ADHFE1: variants seen among roughly 807,000 people sequenced by gnomAD.
ADHFE1 encodes the protein hydroxyacid-oxoacid transhydrogenase, mitochondrial.
In ADHFE1, 37 loss-of-function variants were observed where a neutral mutation model predicts 54.8. The observed-to-expected ratio is 0.68, with a 90% CI of 0.52 to 0.89. ADHFE1 has a LOEUF of 0.89. Ranked by LOEUF, ADHFE1 falls within the 40% of genes least tolerant of loss-of-function variation. The probability of loss-of-function intolerance (pLI) is 0.00; values close to 1 mark genes in which losing one functional copy is unlikely to be tolerated. For synonymous variants in ADHFE1, 203 were observed against 229.3 expected, an observed-to-expected ratio of 0.89 and a Z score of 1.04; for missense variants, 601 against 591.2, an observed-to-expected ratio of 1.02 and a Z score of -0.17.
intron 12 of ADHFE1, among the ~76,000 whole-genome samples, chr8:66,458,802 C>T (rs71515021): frequency 0.07 from 10,721 of 152,246 alleles, 504 homozygotes; most frequent in East Asian, 0.18. Flanking sequence ...TATTCTTTTT[C>T]CTACCATCTC....
At chr8:66,437,446 C>T (rs573677166) in intron 1 of ADHFE1, among the ~76,000 whole-genome samples, 3 of 152,036 alleles carry the variant, frequency 2.0e-5, no homozygotes, top group Non-Finnish European at 4.4e-5. Context: ...TGAGGTCCTG[C>T]TCTCCCCAAG....
At chr8:66,468,157 T>G (rs1170874752) in intron 13 of ADHFE1, 112 bp from the exon 14 acceptor site, 2 of 716,058 alleles carry the variant, frequency 2.8e-6, no homozygotes, top group Non-Finnish European at 4.7e-6. Context: ...TTTAAAGATA[T>G]GGCGTTTATC....
Position 66,468,404 on chromosome 8 carries a change from A to G in ADHFE1, c.*52A>G. ...GCTGGCCATTGTAGTGCTGAGAGCA[A>G]GAGCTGATCTAGCTAGGGCTTTGTC... On this transcript the variant is annotated 3_prime_UTR_variant, in exon 14 of 14. Coordinates refer to ENST00000396623, the MANE Select transcript of ADHFE1 (RefSeq NM_144650.3). The G allele has an allele frequency of 2.7e-6, 4 of 1,470,224 alleles. No homozygotes were observed. Among genetic ancestry groups the G allele is most frequent in the African/African-American group, 1.4e-5 (1 of 71,194 alleles). The allele number at this position is 1,470,224 out of a possible 1,614,324, so 91.1% of individuals were successfully genotyped here. A position where few individuals can be genotyped will look rare whatever the true frequency, so the allele number is the denominator to read the frequency against.
At chr8:66,461,452 A>G (rs914156250) in intron 13 of ADHFE1, among the ~76,000 whole-genome samples, 5 of 152,150 alleles carry the variant, frequency 3.3e-5, no homozygotes, top group Admixed American at 1.3e-4. Context: ...AAGGGCCTCA[A>G]ACTAGCTTCT....
chr8:66,465,423 T>C (rs1807118506), intron 13 of ADHFE1, among the ~76,000 whole-genome samples: 1 of 152,254 alleles, frequency 6.6e-6, no homozygotes, highest in African/African-American at 2.4e-5. Flanking sequence ...TCTAATGGTG[T>C]GAAGTGGTAT....
intron 13 of ADHFE1, among the ~76,000 whole-genome samples, chr8:66,462,847 G>T (rs541997137): frequency 6.6e-6 from 1 of 152,164 alleles, no homozygotes; most frequent in Non-Finnish European, 1.5e-5. Context: ...TTGAGACAGA[G>T]TTTCACTCTC....
Position 66,440,216 on chromosome 8 carries a change from T to C in ADHFE1, c.97+17T>C, listed in dbSNP as rs367675876. On this transcript the variant is annotated intron_variant, in intron 2 of 13. Coordinates refer to ENST00000396623, the MANE Select transcript of ADHFE1 (RefSeq NM_144650.3). ...ACTCCCAAGGTAATACTTCTGTATT[T>C]TTAAACTAGCCACAATTTTGGTTTC... The C allele has an allele frequency of 1.3e-4, 210 of 1,609,750 alleles. No individual in the cohort carries two copies. In the Middle Eastern group the frequency reaches 1.3e-3, roughly 10 times the overall value.
intron 8 of ADHFE1, among the ~76,000 whole-genome samples, chr8:66,451,005 A>G (rs1242045072): frequency 6.6e-6 from 1 of 152,264 alleles, no homozygotes; most frequent in African/African-American, 2.4e-5. Context: ...ATCTCCCTTC[A>G]CAGTCAAGTG....
Position 66,457,176 on chromosome 8 carries a change from A to G in ADHFE1, c.1162+10A>G, listed in dbSNP as rs1056548943. The G allele has an allele frequency of 6.2e-7, 1 of 1,606,876 alleles. No homozygotes were observed. The highest frequency in any genetic ancestry group is 8.5e-7 in the Non-Finnish European group (1 of 1,175,452). Reference sequence around the variant, plus strand: ...ATGGCAGAAATACTGGGTATGAACCATTACTCAAAATTCTGTGACCGGCCA... The same window carrying G: ...ATGGCAGAAATACTGGGTATGAACCGTTACTCAAAATTCTGTGACCGGCCA... On this transcript the variant is annotated intron_variant, in intron 12 of 13. Coordinates refer to ENST00000396623, the MANE Select transcript of ADHFE1 (RefSeq NM_144650.3).
intron 8 of ADHFE1, among the ~76,000 whole-genome samples, chr8:66,450,679 C>G (rs1276225863): frequency 6.6e-6 from 1 of 152,212 alleles, no homozygotes; most frequent in Non-Finnish European, 1.5e-5. Flanking sequence ...CTCAGTGAGT[C>G]CACCCCTGAG....
At chr8:66,444,548 T>C (rs1296194233) in intron 4 of ADHFE1, 46 bp from the exon 5 acceptor site, 32 of 1,612,252 alleles carry the variant, frequency 2.0e-5, no homozygotes, top group Non-Finnish European at 2.7e-5. Flanking sequence ...GAAGAGTCTA[T>C]TGCAGTTCTA....
Position 66,456,911 on chromosome 8 carries a change from T to C in ADHFE1, c.1065+16T>C. ...CCCACTGGTGGTAAAATCATAAGAATAAATTATTTAATTAAATATTATAAT... is the reference window on the plus strand; with the variant it reads ...CCCACTGGTGGTAAAATCATAAGAACAAATTATTTAATTAAATATTATAAT... On this transcript the variant is annotated intron_variant, in intron 11 of 13. Transcript: ENST00000396623. 6.8e-7 allele frequency: 1 copy of C among 1,475,908 alleles called. No individual in the cohort carries two copies. Among genetic ancestry groups the C allele is most frequent in the Non-Finnish European group, 9.0e-7 (1 of 1,107,154 alleles). 91.4% of individuals were successfully genotyped at this position (1,475,908 alleles called of 1,614,324 possible).
intron 10 of ADHFE1, among the ~76,000 whole-genome samples, chr8:66,455,258 A>C (rs2130445452): frequency 6.6e-6 from 1 of 152,308 alleles, no homozygotes; most frequent in East Asian, 1.9e-4. Context: ...GCAGTGGGTG[A>C]AGATTCTGAT....
intron 2 of ADHFE1, among the ~76,000 whole-genome samples, chr8:66,441,894 C>T (rs958797914): frequency 6.6e-6 from 1 of 151,742 alleles, no homozygotes; most frequent in African/African-American, 2.4e-5. Flanking sequence ...ATCCCTTGAA[C>T]CTGGGAGGCG....
intron 7 of ADHFE1, among the ~76,000 whole-genome samples, chr8:66,447,840 G>C (rs1211705116): frequency 6.6e-6 from 1 of 152,174 alleles, no homozygotes; most frequent in Non-Finnish European, 1.5e-5. Context: ...GTTACTGACT[G>C]TATACCAATG....
At chr8:66,451,814 T>C (rs997633733) in intron 8 of ADHFE1, 139 bp from the exon 9 acceptor site, 4 of 912,124 alleles carry the variant, frequency 4.4e-6, no homozygotes, top group Non-Finnish European at 6.4e-6. Context: ...GCTGGTAGAA[T>C]GTACTGTGAT....
rs371334581 is a variant in ADHFE1 at position 66,432,627 on chromosome 8, C to T, written c.59+52C>T. On this transcript the variant is annotated intron_variant, in intron 1 of 13. Coordinates refer to ENST00000396623, the MANE Select transcript of ADHFE1 (RefSeq NM_144650.3). ...GGGGACCGCAGGGTGCCCACGCAGC[C>T]CCCTGGGTGTGACCCGCTCAGATCC... The T allele has an allele frequency of 6.0e-5, 77 of 1,276,136 alleles. 1 individual carries two copies. The East Asian group carries it at 1.1e-3, about 18-fold the overall frequency. 79.1% of individuals were successfully genotyped at this position (1,276,136 alleles called of 1,614,324 possible). A position where few individuals can be genotyped will look rare whatever the true frequency, so the allele number is the denominator to read the frequency against.
intron 1 of ADHFE1, among the ~76,000 whole-genome samples, chr8:66,433,441 T>C (rs1805305081): frequency 6.6e-6 from 1 of 152,178 alleles, no homozygotes; most frequent in Non-Finnish European, 1.5e-5. Flanking sequence ...CCCGGCAGTG[T>C]CTTACACACT....
At position 66,460,580 on chromosome 8, in the gene ADHFE1, C is replaced by T. The variant is rs576114977; in HGVS notation, c.1320+115C>T. On this transcript the variant is annotated intron_variant, in intron 13 of 13. Transcript: ENST00000396623. ...GAAACCAGGGCTCCCCGGTGGTTCTCGGGTCTCCTCCACAGCAGACAGCAG... is the reference window on the plus strand; with the variant it reads ...GAAACCAGGGCTCCCCGGTGGTTCTTGGGTCTCCTCCACAGCAGACAGCAG... 225 of 1,292,386 alleles carry T rather than the reference C, an allele frequency of 1.7e-4. No homozygotes were observed. In the East Asian group the frequency reaches 3.2e-3, roughly 18 times the overall value. The allele number at this position is 1,292,386 out of a possible 1,614,324, so 80.1% of individuals were successfully genotyped here.
Sources: gnomAD v4.1 joint callset for allele counts (sites outside exome capture counted in the v4.1 genomes callset) on GRCh38, gnomAD v4.1.1 for gene constraint, MANE v1.5 for transcripts, NCBI Gene and HGNC (gene_info 2026-07-23, HGNC 2026-07-21) for gene names.